The following IMMP1L variants were observed in gnomAD, a reference collection of about 807,000 sequenced individuals.
IMMP1L encodes mitochondrial inner membrane protease subunit 1.
Under a neutral mutation model 21.8 loss-of-function variants are expected in IMMP1L, and 24 were observed. The ratio of observed to expected loss-of-function variants is 1.10; its 90% CI spans 0.80 to 1.55. The LOEUF is 1.55. IMMP1L is among the 40% of genes most tolerant of loss of function. The pLI, the probability that IMMP1L is intolerant of heterozygous loss-of-function variation, is 0.00. For synonymous variants in IMMP1L, 46 were observed against 62.8 expected (o/e 0.73, Z 1.26); for missense variants, 195 against 200.7 (o/e 0.97, Z 0.17).
intron 1 of IMMP1L, among the ~76,000 whole-genome samples, chr11:31,491,382 T>C (rs1955251051): frequency 6.6e-6 from 1 of 152,184 alleles, no homozygotes; most frequent in Non-Finnish European, 1.5e-5. Context: ...TGATGAACTC[T>C]CAAGAAGGAA....
intron 3 of IMMP1L, among the ~76,000 whole-genome samples, chr11:31,459,432 A>G (rs1350022866): frequency 1.3e-5 from 2 of 152,230 alleles, no homozygotes; most frequent in East Asian, 3.8e-4. Context: ...TTTTTTCAGA[A>G]TTATAAAAAA....
At chr11:31,450,922 T>C (rs1313481581) in intron 4 of IMMP1L, among the ~76,000 whole-genome samples, 1 of 152,092 alleles carries the variant, frequency 6.6e-6, no homozygotes, top group Non-Finnish European at 1.5e-5. Context: ...GCGATTAAAA[T>C]GAGTCCCTGT....
At position 31,456,328 on chromosome 11, in the gene IMMP1L, C is replaced by G; in HGVS notation, c.253G>C (p.Val85Leu). ...SDPKSNICKR[V>L]IGLEGDKILT... ...ATTTTGTCTCCTTCCAAACCAATTA[C>G]TCTTTTACAAATATTTGATTTTGGA... Residue 85 changes from valine to leucine, a missense_variant, in exon 4 of 6, where the codon GTA becomes CTA. Coordinates refer to ENST00000532287, the MANE Select transcript of IMMP1L (RefSeq NM_001304274.2). The G allele has an allele frequency of 1.2e-6, 2 of 1,608,668 alleles. No homozygotes were observed. The highest frequency in any genetic ancestry group is 1.7e-6 in the Non-Finnish European group (2 of 1,175,522).
At chr11:31,445,103 G>T (rs1364940637) in intron 4 of IMMP1L, among the ~76,000 whole-genome samples, 1 of 152,140 alleles carries the variant, frequency 6.6e-6, no homozygotes, top group Non-Finnish European at 1.5e-5. Context: ...TTTTAATACA[G>T]CTTGATCTAT....
chr11:31,433,162 A>G (rs1952977474), intron 5 of IMMP1L, among the ~76,000 whole-genome samples: 1 of 152,230 alleles, frequency 6.6e-6, no homozygotes, highest in African/African-American at 2.4e-5. Flanking sequence ...TGCCCTGGGC[A>G]GGATGTGAAC....
intron 1 of IMMP1L, among the ~76,000 whole-genome samples, chr11:31,483,591 C>T (rs1954973486): frequency 1.3e-5 from 2 of 151,954 alleles, no homozygotes; most frequent in Admixed American, 1.3e-4. Context: ...GTAACTGATA[C>T]TGCTATTATA....
chr11:31,490,676 T>C (rs1955225449), intron 1 of IMMP1L, among the ~76,000 whole-genome samples: 1 of 152,178 alleles, frequency 6.6e-6, no homozygotes, highest in Non-Finnish European at 1.5e-5. Context: ...CCATTTATAA[T>C]ATAATTACCT....
chr11:31,502,882 A>G (rs1389869408), intron 1 of IMMP1L, among the ~76,000 whole-genome samples: 2 of 152,208 alleles, frequency 1.3e-5, no homozygotes, highest in Non-Finnish European at 2.9e-5. Flanking sequence ...CATTAAAAAC[A>G]CTTTGTTTGC....
At chr11:31,461,743 T>C (rs1954145824) in intron 2 of IMMP1L, among the ~76,000 whole-genome samples, 1 of 152,198 alleles carries the variant, frequency 6.6e-6, no homozygotes, top group Admixed American at 6.5e-5. Context: ...AAATATCTCA[T>C]TATGTATATG....
At chr11:31,458,194 G>A (rs1180063767) in intron 3 of IMMP1L, among the ~76,000 whole-genome samples, 1 of 152,012 alleles carries the variant, frequency 6.6e-6, no homozygotes, top group African/African-American at 2.4e-5. Context: ...TTTATTTCTG[G>A]TAGTCTAACT....
chr11:31,492,717 AAGTGAATAGGG>A (rs1397264862), intron 1 of IMMP1L, among the ~76,000 whole-genome samples: 2 of 152,184 alleles, frequency 1.3e-5, no homozygotes, highest in African/African-American at 4.8e-5. Context: ...TGACACAATG[AAGTGAATAGGG>A]AGTGAATAGG....
At chr11:31,447,485 C>T (rs1953566374) in intron 4 of IMMP1L, among the ~76,000 whole-genome samples, 2 of 152,194 alleles carry the variant, frequency 1.3e-5, no homozygotes, top group South Asian at 2.1e-4. Context: ...AAGAATCATA[C>T]ATAATGTACA....
chr11:31,450,597 C>T (rs995994900), intron 4 of IMMP1L, among the ~76,000 whole-genome samples: 4 of 152,206 alleles, frequency 2.6e-5, no homozygotes, highest in African/African-American at 9.7e-5. Context: ...CTACAACTTT[C>T]ACCTGCCATT....
chr11:31,470,361 CGA>C (rs888820745), intron 1 of IMMP1L, among the ~76,000 whole-genome samples: 25 of 150,768 alleles, frequency 1.7e-4, no homozygotes, highest in Middle Eastern at 3.4e-3. Context: ...TGCGGTGAGC[CGA>C]GATAGCGCTA....
intron 1 of IMMP1L, among the ~76,000 whole-genome samples, chr11:31,471,785 C>G (rs1042305416): frequency 6.6e-6 from 1 of 152,110 alleles, no homozygotes; most frequent in Non-Finnish European, 1.5e-5. Context: ...TACTAGTATT[C>G]CATTGGTGCC....
At chr11:31,496,902 T>C (rs967496961) in intron 1 of IMMP1L, among the ~76,000 whole-genome samples, 6 of 148,140 alleles carry the variant, frequency 4.1e-5, no homozygotes, top group Non-Finnish European at 7.4e-5. Flanking sequence ...TCTTATATCA[T>C]ATATAATACA....
At chr11:31,438,765 A>C (rs1176900083) in intron 4 of IMMP1L, among the ~76,000 whole-genome samples, 2 of 152,152 alleles carry the variant, frequency 1.3e-5, no homozygotes, top group Middle Eastern at 3.4e-3. Context: ...CATTTATTCA[A>C]TTGCCATATT....
At chr11:31,442,465 C>G (rs1219615148) in intron 4 of IMMP1L, among the ~76,000 whole-genome samples, 1 of 152,100 alleles carries the variant, frequency 6.6e-6, no homozygotes, top group African/African-American at 2.4e-5. Flanking sequence ...TTTGATTAGG[C>G]AAATAACATC....
intron 4 of IMMP1L, chr11:31,433,776 C>T: frequency 2.5e-6 from 1 of 406,896 alleles, no homozygotes. Context: ...TTTTAAAAAC[C>T]TATCATCTTT....
Sources: gnomAD v4.1 joint callset for allele counts (sites outside exome capture counted in the v4.1 genomes callset) on GRCh38, gnomAD v4.1.1 for gene constraint, MANE v1.5 for transcripts, NCBI Gene and HGNC (gene_info 2026-07-23, HGNC 2026-07-21) for gene names.